Variants in ARSA observed in about 807,000 individuals in gnomAD.
ARSA encodes the protein cerebroside-sulfatase.
ARSA carries 32 observed loss-of-function variants against 37.8 expected under a neutral mutation model. The ratio of observed to expected loss-of-function variants is 0.85; its 90% CI spans 0.64 to 1.14. The LOEUF (loss-of-function observed/expected upper bound fraction) is 1.14, where lower values mean the gene tolerates loss of function less well. Among genes scored for constraint, ARSA ranks in the 50% most tolerant of loss-of-function variants. The pLI is 0.00. For missense variants in ARSA, 685 were observed against 686.3 expected, an observed-to-expected ratio of 1.00 and a Z score of 0.02; for synonymous variants, 303 against 303.4, an observed-to-expected ratio of 1.00 and a Z score of 0.01.
rs2082628762 is a variant in ARSA at position 50,624,254 on chromosome 22, A to G, written c.*891T>C. 6.6e-6 allele frequency among the ~76,000 whole-genome samples: 1 copy of G among 152,092 alleles called. No individual in the cohort carries two copies. The highest frequency in any genetic ancestry group is 1.5e-5 in the Non-Finnish European group (1 of 68,026). ...ACCTGGCTAATTTTGTATTTTTAGT[A>G]GAGATGGGGTTTCTCCATGTTGGTC... On this transcript the variant is annotated 3_prime_UTR_variant, in exon 8 of 8. Coordinates refer to ENST00000216124, the MANE Select transcript of ARSA (RefSeq NM_000487.6).
At chr22:50,626,385 C>T in intron 4 of ARSA, 107 bp from the exon 5 acceptor site, 1 of 1,541,818 alleles carries the variant, frequency 6.5e-7, no homozygotes, top group Non-Finnish European at 8.7e-7. Flanking sequence ...CGGAGGTGCC[C>T]AGCATGAGCC....
At chr22:50,625,778 G>A (rs867468396) in intron 6 of ARSA, 97 bp from the exon 7 acceptor site, 51 of 1,550,674 alleles carry the variant, frequency 3.3e-5, no homozygotes, top group Middle Eastern at 3.5e-4. Flanking sequence ...GACGTGCACC[G>A]CTTCTTGCCC....
Position 50,626,258 on chromosome 22 carries a change from G to A in ARSA, c.875C>T (p.Ser292Phe), listed in dbSNP as rs761042366. ...CAAGAGACCGGAGCAGCCGCCTCGG[G>A]ACATACGCATGGTCTCAGGTCTGGG... Reference protein sequence around the residue: ...ADNGPETMRMSRGGCSGLLRC... With the variant: ...ADNGPETMRMFRGGCSGLLRC... Residue 292 changes from serine to phenylalanine, a missense_variant, in exon 5 of 8, where the codon TCC becomes TTC. Coordinates refer to ENST00000216124, the MANE Select transcript of ARSA (RefSeq NM_000487.6). The A allele has an allele frequency of 6.2e-7, 1 of 1,613,416 alleles. No homozygotes were observed.
In ARSA at chr22:50,625,274, C is replaced by T; in HGVS notation, c.1401G>A (p.Gln467=). 6.2e-7 allele frequency: 1 copy of T among 1,612,866 alleles called. No homozygotes were observed. The highest frequency in any genetic ancestry group is 8.5e-7 in the Non-Finnish European group (1 of 1,179,848). ...ALKQLQLLKA[Q]LDAAVTFGPS... is the part of the protein sequence containing the mutation. ...GGCCGAAGGTCACAGCTGCGTCTAA[C>T]TGGGCCTTGAGCAGCTGAAGCTGTT... The change falls in exon 8 of 8, where the codon CAG becomes CAA. Residue 467 remains glutamine (Q), a synonymous_variant. Coordinates refer to ENST00000216124, the MANE Select transcript of ARSA (RefSeq NM_000487.6).
rs5770805 is a variant in ARSA, at chr22:50,624,226, T to C, written c.*919A>G. On this transcript the variant is annotated 3_prime_UTR_variant, in exon 8 of 8. Coordinates refer to ENST00000216124, the MANE Select transcript of ARSA (RefSeq NM_000487.6). ...AGCTGGGATTACAGGGATGCACCAC[T>C]ACACCTGGCTAATTTTGTATTTTTA... 0.79 allele frequency among the ~76,000 whole-genome samples: 119,621 copies of C among 151,932 alleles called. 47,274 individuals carry two copies. The highest frequency in any genetic ancestry group is 0.97 in the East Asian group (4,979 of 5,118).
Position 50,626,359 on chromosome 22 carries a change from A to T in ARSA, c.855-81T>A, listed in dbSNP as rs2082668536. 5 of 1,580,186 alleles carry T rather than the reference A, an allele frequency of 3.2e-6. No homozygotes were observed. In the South Asian group the frequency reaches 4.5e-5, roughly 14 times the overall value. On this transcript the variant is annotated intron_variant, in intron 4 of 7. Coordinates refer to ENST00000216124, the MANE Select transcript of ARSA (RefSeq NM_000487.6). ...GGTGACCAGTGGCCCCACACCTCTAAGTCACAAAGCTTGCCCGGAGGTGCC... is the reference window on the plus strand; with the variant it reads ...GGTGACCAGTGGCCCCACACCTCTATGTCACAAAGCTTGCCCGGAGGTGCC...
intron 6 of ARSA, 25 bp from the exon 7 acceptor site, chr22:50,625,706 G>A (rs2082653487): frequency 6.2e-7 from 1 of 1,605,216 alleles, no homozygotes; most frequent in Non-Finnish European, 8.5e-7. Context: ...AGGGGTCACG[G>A]GGCGGGGCAG....
chr22:50,627,418 G>A lies in ARSA; in HGVS notation c.225-12C>T. ...TCAGGAGGGCGGCCCTGCGGGACAA[G>A]TCACAGAGTCCCTGAGACAGACAGA... On this transcript the variant is annotated splice_polypyrimidine_tract_variant and intron_variant, in intron 1 of 7. Coordinates refer to ENST00000216124, the MANE Select transcript of ARSA (RefSeq NM_000487.6). The A allele has an allele frequency of 6.2e-7, 1 of 1,608,340 alleles. No homozygotes were observed. The highest frequency in any genetic ancestry group is 1.7e-5 in the Admixed American group (1 of 59,822).
At position 50,627,772 on chromosome 22, in the gene ARSA, A is replaced by G. The variant is rs2146729263; in HGVS notation, c.8T>C (p.Met3Thr). The change falls in exon 1 of 8, where the codon ATG (methionine) becomes ACG (threonine). Residue 3 changes from methionine (M) to threonine (T), a missense_variant. Coordinates refer to ENST00000216124, the MANE Select transcript of ARSA (RefSeq NM_000487.6). MS[M>T]GAPRSLLLAL... is the part of the protein sequence containing the mutation. ...CAGGAGGAGGGACCGCGGTGCCCCC[A>G]TGGACATGGGACCGAGGGGTCTGTC... 6.5e-7 allele frequency: 1 copy of G among 1,545,104 alleles called. No individual in the cohort carries two copies. The highest frequency in any genetic ancestry group is 8.7e-7 in the Non-Finnish European group (1 of 1,146,858).
At chr22:50,626,493 C>A in intron 4 of ARSA, 98 bp downstream of exon 4, 1 of 1,572,004 alleles carries the variant, frequency 6.4e-7, no homozygotes, top group South Asian at 1.1e-5. Context: ...CCTGGCACCC[C>A]CTCACCCACT....
In ARSA at chr22:50,625,026, TC is replaced by T. The variant is rs747415278; in HGVS notation, c.*118del. ...CCCCAGGATTGGACGAATTGTCACA[TC>T]TGCAAGTCTCCACTGGTGTTATTAC... On this transcript the variant is annotated 3_prime_UTR_variant, in exon 8 of 8. Transcript: ENST00000216124. 1 of 1,207,564 alleles carries T rather than the reference TC, an allele frequency of 8.3e-7. No individual in the cohort carries two copies. The highest frequency in any genetic ancestry group is 1.1e-6 in the Non-Finnish European group (1 of 893,740). The allele number at this position is 1,207,564 out of a possible 1,614,324, so 74.8% of individuals were successfully genotyped here.
rs1477978192 is a variant in ARSA, at chr22:50,625,210, T to A, written c.1465A>T (p.Ile489Phe). 1.9e-6 allele frequency: 3 copies of A among 1,606,652 alleles called. No homozygotes were observed. Among genetic ancestry groups the A allele is most frequent in the Non-Finnish European group, 2.6e-6 (3 of 1,176,386 alleles). Residue 489 changes from isoleucine (I) to phenylalanine (F), a missense_variant, in exon 8 of 8, where the codon ATC becomes TTC. By Grantham distance (21) the Ile-to-Phe change is conservative. Transcript: ENST00000216124. ...GGGGTGCAGCCAGGATGACAGCAGA[T>A]CTGCAGGGCGGGGTCCTCGCCCCGG... ...VARGEDPALQ[I>F]CCHPGCTPRP... is the part of the protein sequence containing the mutation.
intron 6 of ARSA, 61 bp from the exon 7 acceptor site, chr22:50,625,742 GC>G (rs777632144): frequency 4.4e-6 from 7 of 1,579,858 alleles, no homozygotes; most frequent in Non-Finnish European, 6.1e-6. Context: ...CATACCTGGG[GC>G]TGCCAGCCCT....
chr22:50,626,176 G>C lies in ARSA; in HGVS notation c.957C>G (p.Phe319Leu). ...EGGVREPALA[F>L]WPGHIAPGVT... The stretch of plus-strand genomic sequence containing the variant: ...GACCGGGAGCGATATGACCTGGCCA[G>C]AAGGCCAAGGCAGGCTCTCGGACAC... The change falls in exon 5 of 8, where the codon TTC becomes TTG. Residue 319 changes from phenylalanine (F) to leucine (L), a missense_variant. Physicochemically the swap from Phe to Leu is conservative, Grantham distance 22. Coordinates refer to ENST00000216124, the MANE Select transcript of ARSA (RefSeq NM_000487.6). 1 of 1,607,450 alleles carries C rather than the reference G, an allele frequency of 6.2e-7. No homozygotes were observed. Among genetic ancestry groups the C allele is most frequent in the Admixed American group, 1.7e-5 (1 of 58,578 alleles).
chr22:50,627,522 T>C, intron 1 of ARSA, 34 bp downstream of exon 1: 1 of 1,568,672 alleles, frequency 6.4e-7, no homozygotes, highest in Non-Finnish European at 8.6e-7. Flanking sequence ...GGATGGAGGG[T>C]CGGGGCGGGG....
rs1386992338 is a variant in ARSA at position 50,624,770 on chromosome 22, C to T, written c.*375G>A. Among the ~76,000 whole-genome samples, 2 of 116,304 alleles carry T rather than the reference C, an allele frequency of 1.7e-5. No individual in the cohort carries two copies. Among genetic ancestry groups the T allele is most frequent in the Non-Finnish European group, 3.2e-5 (2 of 62,142 alleles). The allele number at this position is 116,304 out of a possible 152,430, so 76.3% of individuals were successfully genotyped here. A position where few individuals can be genotyped will look rare whatever the true frequency, so the allele number is the denominator to read the frequency against. The stretch of plus-strand genomic sequence containing the variant: ...GTTCCTGGCACTCAAAGGCACGTGG[C>T]GCTGCTCCTGTGAACAGATGTGCCC... On this transcript the variant is annotated 3_prime_UTR_variant, in exon 8 of 8. Coordinates refer to ENST00000216124, the MANE Select transcript of ARSA (RefSeq NM_000487.6).
chr22:50,627,750 G>A lies in ARSA; in HGVS notation c.30C>T (p.Leu10=), dbSNP rs1240234453. 6.5e-6 allele frequency: 10 copies of A among 1,549,508 alleles called. No homozygotes were observed. The highest frequency in any genetic ancestry group is 7.0e-6 in the Non-Finnish European group (8 of 1,147,378). The change falls in exon 1 of 8, where the codon CTC becomes CTT. Residue 10 remains leucine, a synonymous_variant. Transcript: ENST00000216124. MSMGAPRSL[L]LALAAGLAVA... ...CGGCCAGGCCAGCAGCCAGGGCCAG[G>A]AGGAGGGACCGCGGTGCCCCCATGG...
Position 50,623,529 on chromosome 22 carries a change from T to A in ARSA, c.*1616A>T. Among the ~76,000 whole-genome samples the A allele has an allele frequency of 6.6e-6, 1 of 152,134 alleles. No individual in the cohort carries two copies. Among genetic ancestry groups the A allele is most frequent in the African/African-American group, 2.4e-5 (1 of 41,422 alleles). ...ATTATAGCTCACTACAGCCTCGACCTAGTGGGCTGAAGTGATTCTCCCACC... is the reference window on the plus strand; with the variant it reads ...ATTATAGCTCACTACAGCCTCGACCAAGTGGGCTGAAGTGATTCTCCCACC... On this transcript the variant is annotated 3_prime_UTR_variant, in exon 8 of 8. Coordinates refer to ENST00000216124, the MANE Select transcript of ARSA (RefSeq NM_000487.6).
chr22:50,625,782 C>T (rs1320716063), intron 6 of ARSA, 101 bp from the exon 7 acceptor site: 37 of 1,554,316 alleles, frequency 2.4e-5, no homozygotes, highest in Non-Finnish European at 3.2e-5. Context: ...TGCACCGCTT[C>T]TTGCCCACCC....
Sources: gnomAD v4.1 joint callset for allele counts (sites outside exome capture counted in the v4.1 genomes callset) on GRCh38, gnomAD v4.1.1 for gene constraint, MANE v1.5 for transcripts, NCBI Gene and HGNC (gene_info 2026-07-23, HGNC 2026-07-21) for gene names.